The following UGT1A5 variants were observed in gnomAD, a reference collection of about 807,000 sequenced individuals.
The protein encoded by UGT1A5 is UDP glucuronosyltransferase family 1 member A5, also known as UDP-glucuronosyltransferase 1A5.
UGT1A5 carries 29 observed loss-of-function variants against 40.3 expected under a neutral mutation model. That is an observed-to-expected ratio of 0.72 (90% CI 0.54 to 0.98). The LOEUF (loss-of-function observed/expected upper bound fraction) is 0.98. Ranked by LOEUF, UGT1A5 falls within the 50% of genes least tolerant of loss-of-function variation. UGT1A5 has a pLI of 0.00. For synonymous variants in UGT1A5, 257 were observed against 262.5 expected, an observed-to-expected ratio of 0.98 and a Z score of 0.20; for missense variants, 678 against 677.9, an observed-to-expected ratio of 1.00 and a Z score of 0.00.
chr2:233,767,950 A>T lies in UGT1A5; in HGVS notation c.1087+14A>T. The T allele has an allele frequency of 6.2e-7, 1 of 1,614,160 alleles. No homozygotes were observed. On this transcript the variant is annotated intron_variant, in intron 3 of 4. Transcript: ENST00000373414. ...ACGATCTGCTTGGTATGTTGGGCGG[A>T]TTGGATGTATAGGTCAAACCAGGGT... is the stretch of plus-strand genomic sequence containing the variant.
At chr2:233,765,991 C>G (rs939830697) in intron 1 of UGT1A5, among the ~76,000 whole-genome samples, 2 of 152,166 alleles carry the variant, frequency 1.3e-5, no homozygotes, top group Middle Eastern at 3.4e-3. Flanking sequence ...TCCTGAAGCT[C>G]CAGTGGGCGT....
intron 1 of UGT1A5, chr2:233,743,584 G>A: frequency 7.3e-7 from 1 of 1,367,326 alleles, no homozygotes; most frequent in Non-Finnish European, 9.8e-7. Flanking sequence ...AGAGGTCAAA[G>A]GAGAATGGGT....
intron 1 of UGT1A5, among the ~76,000 whole-genome samples, chr2:233,724,753 G>A (rs1402032405): frequency 3.5e-5 from 5 of 143,708 alleles, no homozygotes; most frequent in African/African-American, 1.1e-4. Context: ...CATCCCAGAC[G>A]ATGGGCGGCC....
chr2:233,759,141 G>A (rs766249806), intron 1 of UGT1A5, among the ~76,000 whole-genome samples: 1 of 152,222 alleles, frequency 6.6e-6, no homozygotes, highest in Non-Finnish European at 1.5e-5. Context: ...CGCAATGAAG[G>A]TGAGTTCCAC....
At chr2:233,719,688 G>A in intron 1 of UGT1A5, 1 of 1,614,002 alleles carries the variant, frequency 6.2e-7, no homozygotes, top group Non-Finnish European at 8.5e-7. Context: ...ACTATCTCAG[G>A]TCTGTATTGG....
intron 1 of UGT1A5, among the ~76,000 whole-genome samples, chr2:233,759,577 C>A (rs970785241): frequency 2.6e-5 from 4 of 151,886 alleles, no homozygotes; most frequent in Admixed American, 2.6e-4. Flanking sequence ...CATTCTCTAC[C>A]CCAGCACGCC....
chr2:233,739,854 G>A (rs1377915953), intron 1 of UGT1A5, among the ~76,000 whole-genome samples: 3 of 151,892 alleles, frequency 2.0e-5, no homozygotes, highest in Non-Finnish European at 4.4e-5. Context: ...ATGGGCCAGA[G>A]GGCAGAATGA....
chr2:233,754,548 G>A (rs760098781), intron 1 of UGT1A5: 6 of 380,460 alleles, frequency 1.6e-5, no homozygotes, highest in African/African-American at 2.1e-5. Context: ...GGAATTACTT[G>A]GTGTCAATGG....
Position 233,749,147 on chromosome 2 carries a change from T to C in UGT1A5, c.868-17887T>C, listed in dbSNP as rs149958207. ...TTCACTGAATGCATATGAACTTCCA[T>C]GACTTGATCCTTTTGTATTTTTATT... On this transcript the variant is annotated intron_variant, in intron 1 of 4. Transcript: ENST00000373414. Among the ~76,000 whole-genome samples, 47 of 152,004 alleles carry C rather than the reference T, an allele frequency of 3.1e-4. 1 individual carries two copies. Among genetic ancestry groups the C allele is most frequent in the African/African-American group, 9.9e-4 (41 of 41,258 alleles).
chr2:233,767,704 T>A, intron 2 of UGT1A5, 145 bp from the exon 3 acceptor site: 1 of 1,518,956 alleles, frequency 6.6e-7, no homozygotes, highest in East Asian at 2.4e-5. Context: ...TTGCCAGTCC[T>A]CAGAAGCCTT....
At chr2:233,752,001 G>A (rs960464465) in intron 1 of UGT1A5, among the ~76,000 whole-genome samples, 26 of 152,178 alleles carry the variant, frequency 1.7e-4, no homozygotes, top group Admixed American at 1.3e-3. Flanking sequence ...TGAGAAAGTT[G>A]ATGAGAAAGT....
intron 1 of UGT1A5, chr2:233,760,899 G>A (rs1697604278): frequency 6.2e-7 from 1 of 1,613,886 alleles, no homozygotes. Context: ...CAGATCACAT[G>A]ACCTTCCTGC....
At chr2:233,759,349 A>C (rs900901642) in intron 1 of UGT1A5, among the ~76,000 whole-genome samples, 1 of 152,146 alleles carries the variant, frequency 6.6e-6, no homozygotes, top group African/African-American at 2.4e-5. Context: ...GAGCGCTGAA[A>C]ATCTCAACTA....
chr2:233,761,293 G>A, intron 1 of UGT1A5: 1 of 1,522,614 alleles, frequency 6.6e-7, no homozygotes, highest in African/African-American at 1.4e-5. Context: ...TTGACTCCTA[G>A]GTTTGAGTCT....
rs145403444 is a variant in UGT1A5 at position 233,729,793 on chromosome 2, A to G, written c.867+15935A>G. ...GCTCTACCCTCTGGCCCTGTCCTAC[A>G]TTTGCCATGCTTTTTCTGCTCCTTA... On this transcript the variant is annotated intron_variant, in intron 1 of 4. Coordinates refer to ENST00000373414, the MANE Select transcript of UGT1A5 (RefSeq NM_019078.2). The G allele has an allele frequency of 5.0e-6, 8 of 1,613,536 alleles. No individual in the cohort carries two copies. In the African/African-American group the frequency reaches 9.4e-5, roughly 19 times the overall value.
At chr2:233,718,023 A>C (rs1438994105) in intron 1 of UGT1A5, 4 of 389,712 alleles carry the variant, frequency 1.0e-5, no homozygotes, top group African/African-American at 4.2e-5. Flanking sequence ...CCAGCTCCCC[A>C]GGTCCTTTGG....
At chr2:233,765,838 T>A (rs1248201211) in intron 1 of UGT1A5, among the ~76,000 whole-genome samples, 1 of 152,108 alleles carries the variant, frequency 6.6e-6, no homozygotes, top group Non-Finnish European at 1.5e-5. Flanking sequence ...AAAACTTTCC[T>A]TGTCCCCCTC....
At chr2:233,757,048 T>G (rs536754863) in intron 1 of UGT1A5, among the ~76,000 whole-genome samples, 1 of 151,428 alleles carries the variant, frequency 6.6e-6, no homozygotes, top group South Asian at 2.1e-4. Flanking sequence ...AAAGGAAGTT[T>G]GGGGAACAGC....
At chr2:233,754,435 G>T (rs1695484691) in intron 1 of UGT1A5, 21 of 350,618 alleles carry the variant, frequency 6.0e-5, no homozygotes, top group South Asian at 4.7e-4. Context: ...GGCATAAAGT[G>T]TTTATAAATT....
Sources: allele counts gnomAD v4.1 joint callset (sites outside exome capture counted in the v4.1 genomes callset), GRCh38; gene constraint gnomAD v4.1.1; transcripts MANE v1.5; gene names NCBI Gene and HGNC (gene_info 2026-07-23, HGNC 2026-07-21).